SH3GL2: variants seen among roughly 807,000 people sequenced by gnomAD.
SH3GL2 encodes the protein endophilin-A1.
SH3GL2 carries 24 observed loss-of-function variants against 46.0 expected under a neutral mutation model. The observed-to-expected ratio is 0.52, with a 90% CI of 0.38 to 0.73. The LOEUF (loss-of-function observed/expected upper bound fraction) is 0.73. Ranked by LOEUF, SH3GL2 falls within the 30% of genes least tolerant of loss-of-function variation. SH3GL2 has a pLI of 0.00. For synonymous variants in SH3GL2, 196 were observed against 147.1 expected (o/e 1.33, Z -2.40); for missense variants, 413 against 424.2 (o/e 0.97, Z 0.23).
chr9:17,675,776 G>C lies in SH3GL2; in HGVS notation c.46-71290G>C, dbSNP rs111575165. Among the ~76,000 whole-genome samples, 25 of 152,128 alleles carry C rather than the reference G, an allele frequency of 1.6e-4. 2 individuals carry two copies. Among genetic ancestry groups the C allele is most frequent in the Middle Eastern group, 3.4e-3 (1 of 294 alleles). On this transcript the variant is annotated intron_variant, in intron 1 of 8. Coordinates refer to ENST00000380607, the MANE Select transcript of SH3GL2 (RefSeq NM_003026.5). ...CCTGGCTCACATGGTGAAACCCTGT[G>C]TCTACTAAAAATACAAAAATTAGCT...
intron 1 of SH3GL2, among the ~76,000 whole-genome samples, chr9:17,686,281 A>G (rs1387848763): frequency 7.5e-6 from 1 of 133,330 alleles, no homozygotes; most frequent in African/African-American, 3.0e-5. Context: ...TTAAAAAGTC[A>G]GGAAACAACA....
intron 1 of SH3GL2, among the ~76,000 whole-genome samples, chr9:17,715,064 T>C (rs1158319411): frequency 6.6e-6 from 1 of 151,886 alleles, no homozygotes; most frequent in Non-Finnish European, 1.5e-5. Context: ...GTCTTTTTGT[T>C]TTGTATTGCA....
intron 2 of SH3GL2, among the ~76,000 whole-genome samples, chr9:17,751,944 G>A (rs1822860549): frequency 6.6e-6 from 1 of 152,190 alleles, no homozygotes; most frequent in South Asian, 2.1e-4. Flanking sequence ...ATTCAGTGAT[G>A]ACAAGCTTCC....
chr9:17,687,179 T>G (rs1049864733), intron 1 of SH3GL2, among the ~76,000 whole-genome samples: 8 of 152,152 alleles, frequency 5.3e-5, no homozygotes, highest in African/African-American at 1.9e-4. Flanking sequence ...TGATTTTTCT[T>G]ATAATCATTT....
At chr9:17,728,956 G>A (rs10118179) in intron 1 of SH3GL2, among the ~76,000 whole-genome samples, 44,340 of 152,010 alleles carry the variant, frequency 0.29, 7,780 homozygotes, top group African/African-American at 0.48. Context: ...GTGTCTTTAT[G>A]GTAGAATGAT....
Position 17,691,795 on chromosome 9 carries a change from T to G in SH3GL2, c.46-55271T>G, listed in dbSNP as rs180944524. 2.8e-3 allele frequency among the ~76,000 whole-genome samples: 419 copies of G among 152,260 alleles called. 2 individuals are homozygous for G. Among genetic ancestry groups the G allele is most frequent in the African/African-American group, 7.8e-3 (323 of 41,558 alleles). ...TTTTCCTGGAACTTTGCTCTTTATC[T>G]TGTCAGTATTTGATTTGGACTTTAA... On this transcript the variant is annotated intron_variant, in intron 1 of 8. Coordinates refer to ENST00000380607, the MANE Select transcript of SH3GL2 (RefSeq NM_003026.5).
At chr9:17,737,022 A>T (rs1033237946) in intron 1 of SH3GL2, among the ~76,000 whole-genome samples, 4 of 152,308 alleles carry the variant, frequency 2.6e-5, no homozygotes, top group African/African-American at 9.6e-5. Flanking sequence ...CTATGCAGCC[A>T]TAAAAAAGGA....
intron 1 of SH3GL2, among the ~76,000 whole-genome samples, chr9:17,664,368 G>A (rs529973838): frequency 1.3e-5 from 2 of 152,230 alleles, no homozygotes; most frequent in South Asian, 4.1e-4. Flanking sequence ...GTGGACATTG[G>A]ATCAGGATTC....
intron 3 of SH3GL2, among the ~76,000 whole-genome samples, chr9:17,781,502 A>T (rs1361032426): frequency 6.6e-6 from 1 of 151,544 alleles, no homozygotes. Flanking sequence ...CCCATTTGTC[A>T]ATTTTGGCTT....
chr9:17,687,569 C>A (rs905577732), intron 1 of SH3GL2, among the ~76,000 whole-genome samples: 26 of 152,036 alleles, frequency 1.7e-4, no homozygotes, highest in African/African-American at 6.0e-4. Context: ...GCATGTTCTT[C>A]ATAGTATAGT....
At chr9:17,630,320 A>G (rs968305601) in intron 1 of SH3GL2, 3 of 152,220 alleles carry the variant, frequency 2.0e-5, no homozygotes, top group Non-Finnish European at 2.9e-5. Context: ...TTCATTCACA[A>G]ATTGCTAACA....
chr9:17,729,493 T>C (rs1034885823), intron 1 of SH3GL2, among the ~76,000 whole-genome samples: 1 of 152,212 alleles, frequency 6.6e-6, no homozygotes, highest in South Asian at 2.1e-4. Context: ...TTTTGGCTTT[T>C]GTTGCCATTG....
chr9:17,677,236 T>C (rs1405744364), intron 1 of SH3GL2, among the ~76,000 whole-genome samples: 3 of 152,156 alleles, frequency 2.0e-5, no homozygotes, highest in Non-Finnish European at 4.4e-5. Flanking sequence ...CTGTTCATTA[T>C]TTTCTCCTTT....
At chr9:17,616,575 C>G (rs1819005155) in intron 1 of SH3GL2, among the ~76,000 whole-genome samples, 2 of 152,090 alleles carry the variant, frequency 1.3e-5, no homozygotes, top group South Asian at 4.2e-4. Flanking sequence ...GAGGAGGCTA[C>G]AAATGATATA....
intron 6 of SH3GL2, among the ~76,000 whole-genome samples, chr9:17,789,989 A>G (rs956037622): frequency 6.6e-6 from 1 of 152,204 alleles, no homozygotes; most frequent in African/African-American, 2.4e-5. Context: ...GTGGGAAGAT[A>G]AAGGATATTT....
At chr9:17,738,086 C>T (rs1331116956) in intron 1 of SH3GL2, among the ~76,000 whole-genome samples, 1 of 152,018 alleles carries the variant, frequency 6.6e-6, no homozygotes, top group Non-Finnish European at 1.5e-5. Context: ...ATACAGTCAT[C>T]TAAACAAAAC....
chr9:17,756,782 A>G (rs56296544), intron 2 of SH3GL2, among the ~76,000 whole-genome samples: 5,380 of 151,846 alleles, frequency 0.035, 161 homozygotes, highest in African/African-American at 0.089. Flanking sequence ...GCCGCAATAA[A>G]CATACGTGTG....
chr9:17,718,164 A>C (rs1821806283), intron 1 of SH3GL2, among the ~76,000 whole-genome samples: 1 of 152,146 alleles, frequency 6.6e-6, no homozygotes, highest in South Asian at 2.1e-4. Flanking sequence ...AGCATTTACC[A>C]TACAGAGAAA....
chr9:17,790,011 T>A (rs1824077141), intron 6 of SH3GL2, among the ~76,000 whole-genome samples: 1 of 152,168 alleles, frequency 6.6e-6, no homozygotes, highest in African/African-American at 2.4e-5. Flanking sequence ...TGAGGATCTA[T>A]GTATAACTCA....
Sources: allele counts gnomAD v4.1 joint callset (sites outside exome capture counted in the v4.1 genomes callset), GRCh38; gene constraint gnomAD v4.1.1; transcripts MANE v1.5; gene names NCBI Gene and HGNC (gene_info 2026-07-23, HGNC 2026-07-21).